The following HAO1 variants were observed in gnomAD, a reference collection of about 807,000 sequenced individuals.
HAO1 encodes the protein hydroxyacid oxidase 1.
A neutral mutation model predicts 39.7 loss-of-function variants in HAO1; 34 were observed. The ratio of observed to expected loss-of-function variants is 0.86; its 90% CI spans 0.65 to 1.14. HAO1 has a LOEUF of 1.14. Among genes scored for constraint, HAO1 ranks in the 50% most tolerant of loss-of-function variants. HAO1 has a pLI of 0.00. For synonymous variants in HAO1, 172 were observed against 173.2 expected, an observed-to-expected ratio of 0.99 and a Z score of 0.05; for missense variants, 479 against 464.5, an observed-to-expected ratio of 1.03 and a Z score of -0.29.
chr20:7,928,760 T>C (rs539690213), intron 2 of HAO1, among the ~76,000 whole-genome samples: 1 of 152,128 alleles, frequency 6.6e-6, no homozygotes, highest in African/African-American at 2.4e-5. Context: ...TCCACATAAA[T>C]CAGATGTCCC....
chr20:7,913,129 C>T (rs563073795), intron 3 of HAO1, among the ~76,000 whole-genome samples: 15 of 147,086 alleles, frequency 1.0e-4, no homozygotes, highest in Non-Finnish European at 1.6e-4. Flanking sequence ...TGGCTTCTTT[C>T]GTCTTTTATC....
chr20:7,935,978 G>T (rs549342079), intron 1 of HAO1, among the ~76,000 whole-genome samples: 150 of 152,018 alleles, frequency 9.9e-4, no homozygotes, highest in Non-Finnish European at 1.8e-3. Context: ...ATATAGTGAA[G>T]TATGATATAG....
chr20:7,939,622 A>T (rs911778007), intron 1 of HAO1, among the ~76,000 whole-genome samples: 7 of 152,230 alleles, frequency 4.6e-5, no homozygotes, highest in African/African-American at 1.7e-4. Flanking sequence ...TATAAAAAAA[A>T]ACCCTTTGAA....
intron 2 of HAO1, among the ~76,000 whole-genome samples, chr20:7,924,196 G>GTTTTTT (rs201817660): frequency 8.0e-6 from 1 of 125,716 alleles, no homozygotes; most frequent in Admixed American, 7.5e-5. Context: ...TTTGGGTTGT[G>GTTTTTT]TTGTTGTTGT....
chr20:7,930,437 C>T (rs1258668011), intron 2 of HAO1, among the ~76,000 whole-genome samples: 3 of 152,110 alleles, frequency 2.0e-5, no homozygotes, highest in Non-Finnish European at 2.9e-5. Context: ...TACACTGTTA[C>T]TTAAATTTGC....
chr20:7,916,463 G>C (rs1306126542), intron 2 of HAO1, among the ~76,000 whole-genome samples: 1 of 152,134 alleles, frequency 6.6e-6, no homozygotes, highest in Non-Finnish European at 1.5e-5. Flanking sequence ...AGGTTAAAAA[G>C]CTTCCATGAT....
chr20:7,921,134 C>A (rs1261874132), intron 2 of HAO1, among the ~76,000 whole-genome samples: 1 of 151,382 alleles, frequency 6.6e-6, no homozygotes, highest in Non-Finnish European at 1.5e-5. Context: ...AGGCAAAGGA[C>A]AGCAAGAGAA....
chr20:7,936,556 G>GTT (rs1375018593), intron 1 of HAO1, among the ~76,000 whole-genome samples: 7 of 146,098 alleles, frequency 4.8e-5, no homozygotes, highest in Admixed American at 2.0e-4. Context: ...GTTCGCGCGC[G>GTT]CGCGCGCGCG....
At chr20:7,928,040 C>T (rs549861022) in intron 2 of HAO1, among the ~76,000 whole-genome samples, 1 of 152,150 alleles carries the variant, frequency 6.6e-6, no homozygotes, top group Non-Finnish European at 1.5e-5. Flanking sequence ...TGTATAAATG[C>T]TGGTGATCAT....
At chr20:7,907,153 C>A (rs1384914186) in intron 3 of HAO1, among the ~76,000 whole-genome samples, 2 of 152,136 alleles carry the variant, frequency 1.3e-5, no homozygotes, top group Non-Finnish European at 1.5e-5. Context: ...TTGCCTTTCC[C>A]TCCCCCTTTT....
chr20:7,924,437 G>A (rs191633664), intron 2 of HAO1, among the ~76,000 whole-genome samples: 30 of 152,240 alleles, frequency 2.0e-4, no homozygotes, highest in Non-Finnish European at 3.8e-4. Flanking sequence ...ATAAGATGAT[G>A]AACCATCAGG....
chr20:7,896,281 C>G (rs1034105952), intron 4 of HAO1, among the ~76,000 whole-genome samples: 34 of 152,196 alleles, frequency 2.2e-4, no homozygotes, highest in African/African-American at 7.2e-4. Context: ...CACTGGTTCT[C>G]AGGTTTAACA....
chr20:7,927,705 T>A, intron 2 of HAO1, among the ~76,000 whole-genome samples: 1 of 152,238 alleles, frequency 6.6e-6, no homozygotes, highest in South Asian at 2.1e-4. Context: ...GTGGCTTATT[T>A]TATCTTCTCA....
chr20:7,907,800 C>T (rs2050255511), intron 3 of HAO1, among the ~76,000 whole-genome samples: 1 of 152,152 alleles, frequency 6.6e-6, no homozygotes, highest in East Asian at 1.9e-4. Context: ...GCCTGCACCT[C>T]TGACTCCTAG....
chr20:7,885,421 G>T, intron 7 of HAO1, 100 bp downstream of exon 7: 1 of 782,274 alleles, frequency 1.3e-6, no homozygotes, highest in Non-Finnish European at 2.2e-6. Context: ...GTACTCAAAT[G>T]ATCCCACACT....
Position 7,934,525 on chromosome 20 carries a change from T to A in HAO1, c.248A>T (p.Gln83Leu). ...MPICVGATAM[Q>L]RMAHVDGELA... is the part of the protein sequence containing the mutation. ...CTCGCCGTCCACATGAGCCATGCGC[T>A]GCATGGCCGTAGCCCCCACACATAT... Residue 83 changes from glutamine (Q) to leucine (L), a missense_variant, in exon 2 of 8, where the codon CAG becomes CTG. By Grantham distance (113) the Gln-to-Leu change is moderately radical. Transcript: ENST00000378789. 1 of 1,612,456 alleles carries A rather than the reference T, an allele frequency of 6.2e-7. No individual in the cohort carries two copies. Among genetic ancestry groups the A allele is most frequent in the South Asian group, 1.1e-5 (1 of 91,034 alleles).
intron 2 of HAO1, among the ~76,000 whole-genome samples, chr20:7,932,295 C>A (rs2235245): frequency 6.6e-6 from 1 of 152,016 alleles, no homozygotes; most frequent in Non-Finnish European, 1.5e-5. Context: ...ATCTTTAAAT[C>A]AGTGTGAGAA....
intron 7 of HAO1, among the ~76,000 whole-genome samples, chr20:7,884,791 A>G (rs1323836791): frequency 6.6e-6 from 1 of 152,090 alleles, no homozygotes; most frequent in Non-Finnish European, 1.5e-5. Flanking sequence ...GTAAACCAAA[A>G]GCCACTGGGG....
At chr20:7,935,117 T>C (rs2050404339) in intron 1 of HAO1, among the ~76,000 whole-genome samples, 1 of 152,214 alleles carries the variant, frequency 6.6e-6, no homozygotes, top group Non-Finnish European at 1.5e-5. Context: ...TATGTAGCCT[T>C]TTGAGTTTGG....
Sources: gnomAD v4.1 joint callset for allele counts (sites outside exome capture counted in the v4.1 genomes callset) on GRCh38, gnomAD v4.1.1 for gene constraint, MANE v1.5 for transcripts, NCBI Gene and HGNC (gene_info 2026-07-23, HGNC 2026-07-21) for gene names.